PLEKHH2: variants seen among roughly 807,000 people sequenced by gnomAD.
PLEKHH2 encodes pleckstrin homology domain-containing family H member 2.
A neutral mutation model predicts 187.9 loss-of-function variants in PLEKHH2; 129 were observed. The observed-to-expected ratio is 0.69, with a 90% CI of 0.59 to 0.79. The LOEUF (loss-of-function observed/expected upper bound fraction) is 0.79. Among genes scored for constraint, PLEKHH2 ranks in the 30% least tolerant of loss-of-function variants. The probability of loss-of-function intolerance (pLI) is 0.00; values close to 1 mark genes in which losing one functional copy is unlikely to be tolerated. For missense variants in PLEKHH2, 2,076 were observed against 1,751.2 expected, an observed-to-expected ratio of 1.19 and a Z score of -3.31; for synonymous variants, 686 against 605.6, an observed-to-expected ratio of 1.13 and a Z score of -1.95.
intron 24 of PLEKHH2, among the ~76,000 whole-genome samples, chr2:43,750,247 G>A (rs558033153): frequency 3.9e-5 from 6 of 152,292 alleles, no homozygotes; most frequent in South Asian, 2.1e-4. Context: ...CTAGGCAGGC[G>A]GATCACCTGA....
intron 2 of PLEKHH2, among the ~76,000 whole-genome samples, chr2:43,656,941 C>T (rs1666801107): frequency 6.6e-6 from 1 of 152,200 alleles, no homozygotes; most frequent in South Asian, 2.1e-4. Flanking sequence ...ATCGCTTGAG[C>T]CCGAGAGGTG....
At chr2:43,760,957 T>C (rs1342343130) in intron 27 of PLEKHH2, among the ~76,000 whole-genome samples, 1 of 152,246 alleles carries the variant, frequency 6.6e-6, no homozygotes, top group African/African-American at 2.4e-5. Context: ...TGTTGTAACA[T>C]GTGTCAAAAT....
intron 15 of PLEKHH2, among the ~76,000 whole-genome samples, chr2:43,712,594 T>G (rs1283980263): frequency 1.3e-5 from 2 of 152,216 alleles, no homozygotes; most frequent in East Asian, 3.8e-4. Flanking sequence ...ATGTAAAGGC[T>G]CTATTAAAAA....
intron 9 of PLEKHH2, among the ~76,000 whole-genome samples, chr2:43,705,525 T>G (rs966071384): frequency 6.6e-6 from 1 of 152,116 alleles, no homozygotes; most frequent in Admixed American, 6.6e-5. Context: ...CTCAAGGTGC[T>G]AGGATTACAG....
At chr2:43,678,997 A>G in intron 3 of PLEKHH2, 72 bp downstream of exon 3, 1 of 1,027,980 alleles carries the variant, frequency 9.7e-7, no homozygotes, top group South Asian at 1.5e-5. Flanking sequence ...CTCATAATGG[A>G]AAGACAATTA....
intron 2 of PLEKHH2, 122 bp downstream of exon 2, chr2:43,644,918 A>G (rs1276493976): frequency 2.3e-5 from 26 of 1,114,634 alleles, no homozygotes; most frequent in Non-Finnish European, 2.8e-5. Context: ...TTGAAGCTAT[A>G]TTTGGCATAT....
intron 28 of PLEKHH2, among the ~76,000 whole-genome samples, chr2:43,762,985 A>G (rs182499434): frequency 6.6e-6 from 1 of 152,146 alleles, no homozygotes. Flanking sequence ...TTCACCTGGC[A>G]GGTCTAATCC....
chr2:43,766,922 G>C lies in PLEKHH2; in HGVS notation c.*1324G>C, dbSNP rs1672644427. The stretch of plus-strand genomic sequence containing the variant: ...CTCAAAAATATTTTTTAAAAGAAAA[G>C]AGAAAATAATTCTTCTGTCAAAGGA... On this transcript the variant is annotated 3_prime_UTR_variant, in exon 30 of 30. Transcript: ENST00000282406. 6.6e-6 allele frequency: 1 copy of C among 152,656 alleles called. No individual in the cohort carries two copies. The highest frequency in any genetic ancestry group is 2.4e-5 in the African/African-American group (1 of 41,424). The allele number at this position is 152,656 out of a possible 1,614,324, so 9.5% of individuals were successfully genotyped here.
intron 17 of PLEKHH2, among the ~76,000 whole-genome samples, chr2:43,727,695 C>T (rs1670833887): frequency 1.3e-5 from 2 of 152,298 alleles, no homozygotes; most frequent in South Asian, 4.2e-4. Context: ...CAATTACCCT[C>T]TGTGGGAGGT....
chr2:43,731,666 G>A (rs963603603), intron 19 of PLEKHH2, 64 bp downstream of exon 19: 3 of 1,054,064 alleles, frequency 2.8e-6, no homozygotes, highest in Admixed American at 3.0e-5. Context: ...TAAATAATTG[G>A]AAAAAAATTA....
chr2:43,712,390 A>G lies in PLEKHH2; in HGVS notation c.2460+7A>G. On this transcript the variant is annotated splice_region_variant and intron_variant, in intron 15 of 29. Transcript: ENST00000282406. ...GAAGGGATTGCTCACTAAGGTAGGA[A>G]CCTCCTGTGCATAGCAATGTCCCAG... is the stretch of plus-strand genomic sequence containing the variant. The G allele has an allele frequency of 6.2e-7, 1 of 1,613,382 alleles. No individual in the cohort carries two copies. The highest frequency in any genetic ancestry group is 1.3e-5 in the African/African-American group (1 of 74,956).
At chr2:43,705,911 A>G (rs78040937) in intron 9 of PLEKHH2, among the ~76,000 whole-genome samples, 1,591 of 152,274 alleles carry the variant, frequency 0.01, 16 homozygotes, top group African/African-American at 0.036. Flanking sequence ...CCCCACCAGA[A>G]CAGTGGTTTT....
intron 22 of PLEKHH2, 145 bp downstream of exon 22, chr2:43,743,063 A>G: frequency 1.0e-5 from 6 of 594,576 alleles, no homozygotes; most frequent in Non-Finnish European, 1.5e-5. Context: ...AGAACAGCTG[A>G]GTTTTGAAAC....
rs774333159 is a variant in PLEKHH2 at position 43,697,337 on chromosome 2, T to C, written c.669T>C (p.Thr223=). The part of the protein sequence containing the change: ...SKISSKEPEF[T]EGKDMEEMEI... ...TATCATCGAAAGAACCTGAGTTCACTGAAGGAAAAGACATGGAAGGTATTT... is the reference window on the plus strand; with the variant it reads ...TATCATCGAAAGAACCTGAGTTCACCGAAGGAAAAGACATGGAAGGTATTT... The change falls in exon 7 of 30, where the codon ACT becomes ACC. Residue 223 remains threonine, a synonymous_variant. Coordinates refer to ENST00000282406, the MANE Select transcript of PLEKHH2 (RefSeq NM_172069.4). The C allele has an allele frequency of 1.2e-5, 20 of 1,611,552 alleles. No homozygotes were observed. Among genetic ancestry groups the C allele is most frequent in the Non-Finnish European group, 1.7e-5 (20 of 1,179,038 alleles).
At chr2:43,731,644 C>A in intron 19 of PLEKHH2, 42 bp downstream of exon 19, 1 of 1,224,214 alleles carries the variant, frequency 8.2e-7, no homozygotes, top group Non-Finnish European at 1.1e-6. Context: ...AGGTAAAATA[C>A]TTATATGTTG....
In PLEKHH2 at chr2:43,706,319, C is replaced by T. The variant is rs1245113825; in HGVS notation, c.1727-3C>T. ...AATGTTGTTTCCTGTTTTTCTGTTT[C>T]AGATTCTGCTGCAACCCTTTCCTAT... is the stretch of plus-strand genomic sequence containing the variant. On this transcript the variant is annotated splice_polypyrimidine_tract_variant and splice_region_variant and intron_variant, in intron 9 of 29. Transcript: ENST00000282406. The T allele has an allele frequency of 6.3e-7, 1 of 1,591,586 alleles. No individual in the cohort carries two copies. Among genetic ancestry groups the T allele is most frequent in the Non-Finnish European group, 8.6e-7 (1 of 1,162,076 alleles).
chr2:43,685,993 T>C (rs1668484598), intron 3 of PLEKHH2, among the ~76,000 whole-genome samples: 1 of 152,228 alleles, frequency 6.6e-6, no homozygotes, highest in Non-Finnish European at 1.5e-5. Flanking sequence ...TTTTATCCTT[T>C]TGGGCTTGAT....
At position 43,757,114 on chromosome 2, in the gene PLEKHH2, AT is replaced by A; in HGVS notation, c.3796-3del. 2.6e-6 allele frequency: 4 copies of A among 1,559,834 alleles called. No individual in the cohort carries two copies. The highest frequency in any genetic ancestry group is 3.4e-6 in the Non-Finnish European group (4 of 1,160,388). On this transcript the variant is annotated splice_region_variant and splice_polypyrimidine_tract_variant and intron_variant, in intron 25 of 29. Coordinates refer to ENST00000282406, the MANE Select transcript of PLEKHH2 (RefSeq NM_172069.4). ...ATATTTTCACTTTTGTGGATTTCCAATTAGGTAGAGATTGGAGATTTTGAAA... is the reference window on the plus strand; with the variant it reads ...ATATTTTCACTTTTGTGGATTTCCAATAGGTAGAGATTGGAGATTTTGAAA...
intron 16 of PLEKHH2, among the ~76,000 whole-genome samples, chr2:43,724,213 A>T (rs1186634098): frequency 6.7e-6 from 1 of 149,616 alleles, no homozygotes; most frequent in Non-Finnish European, 1.5e-5. Context: ...CTGGAGTTAT[A>T]AATTTGGGAG....
Sources: gnomAD v4.1 joint callset for allele counts (sites outside exome capture counted in the v4.1 genomes callset) on GRCh38, gnomAD v4.1.1 for gene constraint, MANE v1.5 for transcripts, NCBI Gene and HGNC (gene_info 2026-07-23, HGNC 2026-07-21) for gene names.